Variants in ARID3B observed in about 807,000 individuals in gnomAD.
ARID3B encodes AT-rich interaction domain 3B.
Under a neutral mutation model 51.9 loss-of-function variants are expected in ARID3B, and 10 were observed. The observed-to-expected ratio is 0.19, with a 90% confidence interval of 0.12 to 0.33. The LOEUF (loss-of-function observed/expected upper bound fraction) is 0.33, where lower values mean the gene tolerates loss of function less well. Ranked by LOEUF, ARID3B falls within the 10% of genes least tolerant of loss-of-function variation. The pLI, the probability that ARID3B is intolerant of heterozygous loss-of-function variation, is 1.00. For synonymous variants in ARID3B, 205 were observed against 279.5 expected, an observed-to-expected ratio of 0.73 and a Z score of 2.66; for missense variants, 483 against 716.3, an observed-to-expected ratio of 0.67 and a Z score of 3.72.
At chr15:74,572,221 A>G (rs778018257) in intron 2 of ARID3B, among the ~76,000 whole-genome samples, 1 of 152,246 alleles carries the variant, frequency 6.6e-6, no homozygotes, top group African/African-American at 2.4e-5. Context: ...AACCCAATCA[A>G]TTAAGTTGGG....
At position 74,597,647 on chromosome 15, in the gene ARID3B, G is replaced by A. The variant is rs1409825984; in HGVS notation, c.*1873G>A. The A allele has an allele frequency of 5.6e-6, 3 of 532,594 alleles. No individual in the cohort carries two copies. 33.0% of individuals were successfully genotyped at this position (532,594 alleles called of 1,614,324 possible). On this transcript the variant is annotated 3_prime_UTR_variant, in exon 9 of 9. Transcript: ENST00000346246. ...CAGTTGGCTGGCACTGGGCCCATTT[G>A]AAGGTGTCTCAGACATTTGGCCAGT... is the stretch of plus-strand genomic sequence containing the variant.
intron 4 of ARID3B, among the ~76,000 whole-genome samples, chr15:74,581,436 G>A (rs2061761441): frequency 1.3e-5 from 2 of 152,172 alleles, no homozygotes; most frequent in Admixed American, 6.5e-5. Flanking sequence ...TAAATGGTCT[G>A]TGCCCTGGAC....
At chr15:74,579,870 T>C (rs199922522) in intron 4 of ARID3B, among the ~76,000 whole-genome samples, 4,714 of 121,310 alleles carry the variant, frequency 0.039, 79 homozygotes, top group Middle Eastern at 0.12. Flanking sequence ...TGTGTGTGTG[T>C]GTGCGCGCGC....
At chr15:74,573,293 C>A in intron 4 of ARID3B, 89 bp downstream of exon 4, 1 of 1,380,186 alleles carries the variant, frequency 7.2e-7, no homozygotes, top group Non-Finnish European at 1.0e-6. Context: ...TCCTGGCCCA[C>A]TAATCCTCAT....
Position 74,595,791 on chromosome 15 carries a change from T to C in ARID3B, c.*17T>C. On this transcript the variant is annotated 3_prime_UTR_variant, in exon 9 of 9. Transcript: ENST00000346246. ...TCCCTCTGATGGGCAGGACCCAGCT[T>C]CCCACTTGCCACTCTCCTGTCGAGA... 1 of 1,600,162 alleles carries C rather than the reference T, an allele frequency of 6.2e-7. No homozygotes were observed. The highest frequency in any genetic ancestry group is 8.5e-7 in the Non-Finnish European group (1 of 1,171,698).
rs2061830419 is a variant in ARID3B at position 74,597,203 on chromosome 15, A to C, written c.*1429A>C. The C allele has an allele frequency of 2.8e-6, 1 of 354,898 alleles. No homozygotes were observed. The highest frequency in any genetic ancestry group is 5.3e-6 in the Non-Finnish European group (1 of 190,018). The allele number at this position is 354,898 out of a possible 1,614,324, so 22.0% of individuals were successfully genotyped here. On this transcript the variant is annotated 3_prime_UTR_variant, in exon 9 of 9. Coordinates refer to ENST00000346246, the MANE Select transcript of ARID3B (RefSeq NM_006465.4). ...TGAATAACTCCACAGCTCCTCCTGG[A>C]CCCTGCGCGGGAGCAGGCAGCTCCT...
In ARID3B at chr15:74,543,985, C is replaced by G. The variant is rs139869260; in HGVS notation, c.49C>G (p.Gln17Glu). The G allele has an allele frequency of 1.6e-5, 26 of 1,611,836 alleles. No homozygotes were observed. In the African/African-American group the frequency reaches 2.7e-4, roughly 17 times the overall value. Reference sequence around the variant, plus strand: ...GCAGCAGCAGCAGCAACAACAGAAGCAGCCACACCTGGCTCCTCTGCAGAT... The same window carrying G: ...GCAGCAGCAGCAGCAACAACAGAAGGAGCCACACCTGGCTCCTCTGCAGAT... ...QQQQQQQQQK[Q>E]PHLAPLQMDA... Residue 17 changes from glutamine to glutamate, a missense_variant, in exon 2 of 9, where the codon CAG becomes GAG. This residue lies in a region of ARID3B where 182 missense variants were observed against 244.5 expected (regional missense o/e 0.74). Coordinates refer to ENST00000346246, the MANE Select transcript of ARID3B (RefSeq NM_006465.4).
rs1374991496 is a variant in ARID3B at position 74,591,603 on chromosome 15, G to C, written c.1209G>C (p.Leu403=). The C allele has an allele frequency of 6.2e-7, 1 of 1,606,290 alleles. No individual in the cohort carries two copies. Among genetic ancestry groups the C allele is most frequent in the East Asian group, 2.3e-5 (1 of 44,312 alleles). ...CAACAGTGCCTGTGCCAAATCGTCTGGCTGTGCCCGTGACCTTGGCAAGCC... is the reference window on the plus strand; with the variant it reads ...CAACAGTGCCTGTGCCAAATCGTCTCGCTGTGCCCGTGACCTTGGCAAGCC... ...PVTTVPVPNR[L]AVPVTLASQQ... The change falls in exon 7 of 9, where the codon CTG becomes CTC. Residue 403 remains leucine (L), a synonymous_variant. Coordinates refer to ENST00000346246, the MANE Select transcript of ARID3B (RefSeq NM_006465.4). This position sits in a 1 kb window ranked among gnomAD's most constrained non-coding sequence, Gnocchi z 5.8.
At chr15:74,589,794 C>T (rs756845607) in intron 4 of ARID3B, 26 bp from the exon 5 acceptor site, 1 of 1,589,184 alleles carries the variant, frequency 6.3e-7, no homozygotes, top group African/African-American at 1.4e-5. Flanking sequence ...ATCCCGCTGT[C>T]TCTTTCTCTC....
intron 2 of ARID3B, among the ~76,000 whole-genome samples, chr15:74,552,056 CTTTTT>C (rs869096001): frequency 3.8e-4 from 39 of 102,608 alleles, no homozygotes; most frequent in African/African-American, 1.5e-3. Flanking sequence ...TCTTTCTTTC[CTTTTT>C]TTTTTTTTTT....
In ARID3B at chr15:74,544,204, G is replaced by A. The variant is rs560397361; in HGVS notation, c.268G>A (p.Glu90Lys). 3.4e-5 allele frequency: 55 copies of A among 1,614,062 alleles called. 1 individual carries two copies. The South Asian group carries it at 5.5e-4, about 16-fold the overall frequency. Residue 90 changes from glutamate to lysine, a missense_variant, in exon 2 of 9, where the codon GAG (glutamate) becomes AAG (lysine). Physicochemically the swap from Glu to Lys is moderately conservative, Grantham distance 56 (BLOSUM62 1). Coordinates refer to ENST00000346246, the MANE Select transcript of ARID3B (RefSeq NM_006465.4). ...GTTTGAACGGGGCAACATGAACTCA[G>A]AGCCTGAGGAAGAGGACGGAGGTTT... ...QVFERGNMNS[E>K]PEEEDGGLED...
At chr15:74,585,880 G>A (rs910622076) in intron 4 of ARID3B, among the ~76,000 whole-genome samples, 1 of 152,202 alleles carries the variant, frequency 6.6e-6, no homozygotes, top group African/African-American at 2.4e-5. Flanking sequence ...GACGCGGCAG[G>A]CTTTTGTGTC....
Position 74,597,843 on chromosome 15 carries a change from G to A in ARID3B, c.*2069G>A. 1 of 514,358 alleles carries A rather than the reference G, an allele frequency of 1.9e-6. No individual in the cohort carries two copies. The highest frequency in any genetic ancestry group is 1.6e-5 in the South Asian group (1 of 62,268). 31.9% of individuals were successfully genotyped at this position (514,358 alleles called of 1,614,324 possible). A position where few individuals can be genotyped will look rare whatever the true frequency, so the allele number is the denominator to read the frequency against. On this transcript the variant is annotated 3_prime_UTR_variant, in exon 9 of 9. Coordinates refer to ENST00000346246, the MANE Select transcript of ARID3B (RefSeq NM_006465.4). ...CTGCCCTCAAGGACAACAGCAGGGT[G>A]TCACCCAGAGCCCGATGAGGGGTGC...
intron 2 of ARID3B, among the ~76,000 whole-genome samples, chr15:74,548,850 T>C (rs1224826408): frequency 1.3e-5 from 2 of 152,182 alleles, no homozygotes; most frequent in Non-Finnish European, 2.9e-5. Context: ...GAATGTGATT[T>C]GAGAAGAGGG....
At position 74,596,320 on chromosome 15, in the gene ARID3B, G is replaced by C. The variant is rs1397110608; in HGVS notation, c.*546G>C. The C allele has an allele frequency of 4.3e-6, 1 of 233,666 alleles. No individual in the cohort carries two copies. The highest frequency in any genetic ancestry group is 5.6e-5 in the Admixed American group (1 of 17,796). 14.5% of individuals were successfully genotyped at this position (233,666 alleles called of 1,614,324 possible). A position where few individuals can be genotyped will look rare whatever the true frequency, so the allele number is the denominator to read the frequency against. ...CTACTGTTAGGTTCCTGGGGTACGGGTCCCTCAAACACAAGTCTTGAATCA... is the reference window on the plus strand; with the variant it reads ...CTACTGTTAGGTTCCTGGGGTACGGCTCCCTCAAACACAAGTCTTGAATCA... On this transcript the variant is annotated 3_prime_UTR_variant, in exon 9 of 9. Transcript: ENST00000346246.
At chr15:74,573,079 C>G in intron 3 of ARID3B, 53 bp from the exon 4 acceptor site, 1 of 1,605,420 alleles carries the variant, frequency 6.2e-7, no homozygotes, top group South Asian at 1.1e-5. Flanking sequence ...TATAAGACTT[C>G]AGCAAGATGG....
In ARID3B at chr15:74,591,834, G is replaced by A. The variant is rs776788996; in HGVS notation, c.1420+20G>A. The A allele has an allele frequency of 7.5e-6, 12 of 1,605,106 alleles. No homozygotes were observed. Among genetic ancestry groups the A allele is most frequent in the Admixed American group, 1.7e-5 (1 of 59,696 alleles). ...GCAGGGGTGAGCCAGGCTCAGGGCC[G>A]GGCCTTCCCTTCCTGGAAACCCCAA... is the stretch of plus-strand genomic sequence containing the variant. On this transcript the variant is annotated intron_variant, in intron 7 of 8. Transcript: ENST00000346246. This position sits in a 1 kb window ranked among gnomAD's most constrained non-coding sequence, Gnocchi z 5.8.
Position 74,546,746 on chromosome 15 carries a change from G to A in ARID3B, c.552+2258G>A, listed in dbSNP as rs181376831. On this transcript the variant is annotated intron_variant, in intron 2 of 8. Transcript: ENST00000346246. ...ATGTTTTATAAATACCACAGTAGCT[G>A]AGGTATAATCCCTCACCCAAAATTT... Among the ~76,000 whole-genome samples, 15 of 152,310 alleles carry A rather than the reference G, an allele frequency of 9.8e-5. No individual in the cohort carries two copies. The East Asian group carries it at 2.9e-3, about 29-fold the overall frequency.
chr15:74,579,370 G>A (rs375435124), intron 4 of ARID3B, among the ~76,000 whole-genome samples: 1 of 152,130 alleles, frequency 6.6e-6, no homozygotes, highest in South Asian at 2.1e-4. Context: ...CTGTGGGGGT[G>A]GAAAGAGCTC....
Sources: gnomAD v4.1 joint callset for allele counts (sites outside exome capture counted in the v4.1 genomes callset) on GRCh38, gnomAD v4.1.1 for gene constraint, gnomAD v4.1.1 regional missense constraint, Gnocchi (gnomAD v3.1) non-coding constraint, MANE v1.5 for transcripts, NCBI Gene and HGNC (gene_info 2026-07-23, HGNC 2026-07-21) for gene names.